The following CAMK4 variants were observed in gnomAD, a reference collection of about 807,000 sequenced individuals.
CAMK4 encodes calcium/calmodulin dependent protein kinase IV, also known as calcium/calmodulin-dependent protein kinase type IV.
In CAMK4, 22 loss-of-function variants were observed where a neutral mutation model predicts 44.9. The ratio of observed to expected loss-of-function variants is 0.49; its 90% CI spans 0.35 to 0.70. The LOEUF (loss-of-function observed/expected upper bound fraction) is 0.70. Among genes scored for constraint, CAMK4 ranks in the 30% least tolerant of loss-of-function variants. The pLI, the probability that CAMK4 is intolerant of heterozygous loss-of-function variation, is 0.01. For synonymous variants in CAMK4, 218 were observed against 215.4 expected, an observed-to-expected ratio of 1.01 and a Z score of -0.11; for missense variants, 498 against 586.8, an observed-to-expected ratio of 0.85 and a Z score of 1.56.
At chr5:111,442,930 G>A (rs1753879071) in intron 5 of CAMK4, among the ~76,000 whole-genome samples, 1 of 149,946 alleles carries the variant, frequency 6.7e-6, no homozygotes, top group Non-Finnish European at 1.5e-5. Flanking sequence ...AATACAGTAA[G>A]TCTTGCTTGA....
intron 7 of CAMK4, among the ~76,000 whole-genome samples, chr5:111,452,747 C>T (rs1246921377): frequency 2.0e-5 from 3 of 152,046 alleles, no homozygotes; most frequent in African/African-American, 4.8e-5. Flanking sequence ...TGCAAATATC[C>T]GTTTCAGCCT....
At chr5:111,266,277 C>T (rs914444685) in intron 1 of CAMK4, 2 of 151,326 alleles carry the variant, frequency 1.3e-5, no homozygotes, top group African/African-American at 4.9e-5. Context: ...CCCATGAGAA[C>T]ATTTCCCTTA....
intron 1 of CAMK4, among the ~76,000 whole-genome samples, chr5:111,246,565 T>C (rs2112530431): frequency 6.6e-6 from 1 of 152,346 alleles, no homozygotes; most frequent in East Asian, 1.9e-4. Flanking sequence ...GTGTTGGTTT[T>C]GTTTTCATAC....
chr5:111,430,031 C>T (rs1375348215), intron 5 of CAMK4, among the ~76,000 whole-genome samples: 1 of 151,748 alleles, frequency 6.6e-6, no homozygotes, highest in Admixed American at 6.6e-5. Context: ...AAACTACAGG[C>T]CAGTATCTGT....
chr5:111,373,610 T>A (rs913391732), intron 2 of CAMK4, among the ~76,000 whole-genome samples: 3 of 152,142 alleles, frequency 2.0e-5, no homozygotes, highest in African/African-American at 7.2e-5. Flanking sequence ...ACCATTGATA[T>A]GCGCTTGGAT....
At chr5:111,481,141 G>A (rs1039060683) in intron 9 of CAMK4, among the ~76,000 whole-genome samples, 2 of 151,948 alleles carry the variant, frequency 1.3e-5, no homozygotes, top group African/African-American at 4.8e-5. Context: ...GATTAACAAT[G>A]GTGTATATAA....
At chr5:111,452,953 G>A (rs977681703) in intron 7 of CAMK4, among the ~76,000 whole-genome samples, 8 of 151,854 alleles carry the variant, frequency 5.3e-5, no homozygotes, top group African/African-American at 1.9e-4. Flanking sequence ...GATTGAGATG[G>A]AAAATAAAAG....
intron 1 of CAMK4, among the ~76,000 whole-genome samples, chr5:111,283,234 C>G (rs1180599588): frequency 1.3e-5 from 2 of 152,126 alleles, no homozygotes; most frequent in Admixed American, 1.3e-4. Flanking sequence ...AAACCATTAC[C>G]AGTTAAACTG....
rs76573004 is a variant in CAMK4, at chr5:111,273,320, C to G, written c.161+48676C>G. Among the ~76,000 whole-genome samples, 530 of 151,988 alleles carry G rather than the reference C, an allele frequency of 3.5e-3. 5 individuals carry two copies. The highest frequency in any genetic ancestry group is 0.012 in the African/African-American group (491 of 41,452). On this transcript the variant is annotated intron_variant, in intron 1 of 10. Coordinates refer to ENST00000282356, the MANE Select transcript of CAMK4 (RefSeq NM_001744.6). ...ATAAATATATATAAGCACATACACACACATTCACAAAGACAGATACAGTTG... is the reference window on the plus strand; with the variant it reads ...ATAAATATATATAAGCACATACACAGACATTCACAAAGACAGATACAGTTG...
At chr5:111,343,506 C>CTTACCATCTGCTTCACAGA (rs1453278484) in intron 1 of CAMK4, among the ~76,000 whole-genome samples, 1 of 151,766 alleles carries the variant, frequency 6.6e-6, no homozygotes, top group African/African-American at 2.4e-5. Context: ...TGAATGCCTT[C>CTTACCATCTGCTTCACAGA]TTACCATCTG....
At chr5:111,385,059 A>G (rs1219444095) in intron 4 of CAMK4, among the ~76,000 whole-genome samples, 1 of 152,204 alleles carries the variant, frequency 6.6e-6, no homozygotes, top group Non-Finnish European at 1.5e-5. Context: ...ATATTTTTTA[A>G]GCATCACCTT....
chr5:111,395,230 A>AAAAAAAAAAAAAAAAG (rs1561460468), intron 5 of CAMK4, among the ~76,000 whole-genome samples: 73 of 106,406 alleles, frequency 6.9e-4, no homozygotes, highest in African/African-American at 1.0e-3. Context: ...AAAAAAAAGA[A>AAAAAAAAAAAAAAAAG]AAAAAAAAAG....
At chr5:111,328,806 T>A (rs932357374) in intron 1 of CAMK4, among the ~76,000 whole-genome samples, 1 of 152,044 alleles carries the variant, frequency 6.6e-6, no homozygotes, top group Admixed American at 6.6e-5. Context: ...GATTTGGCTC[T>A]CTGTTTGTCT....
chr5:111,415,878 C>T (rs1029812212), intron 5 of CAMK4, among the ~76,000 whole-genome samples: 2 of 152,140 alleles, frequency 1.3e-5, no homozygotes, highest in Non-Finnish European at 1.5e-5. Context: ...CAACTATTTA[C>T]ATAGCATTTA....
rs373842366 is a variant in CAMK4, at chr5:111,473,298, A to T, written c.626-13A>T. ...TAAGCTCTAATTTAACACAATTTTC[A>T]CTTTTTCTGCAGCACCTGAAATTCT... On this transcript the variant is annotated splice_polypyrimidine_tract_variant and intron_variant, in intron 7 of 10. Transcript: ENST00000282356. 168 of 1,585,746 alleles carry T rather than the reference A, an allele frequency of 1.1e-4. 1 individual carries two copies. The East Asian group carries it at 2.5e-3, about 24-fold the overall frequency.
chr5:111,479,481 C>T (rs1409051534), intron 9 of CAMK4, among the ~76,000 whole-genome samples: 5 of 152,094 alleles, frequency 3.3e-5, no homozygotes, highest in Non-Finnish European at 7.4e-5. Context: ...ACCACACAGA[C>T]ATAATCAAAA....
At chr5:111,393,870 T>C (rs977653640) in intron 4 of CAMK4, among the ~76,000 whole-genome samples, 1 of 127,106 alleles carries the variant, frequency 7.9e-6, no homozygotes, top group Non-Finnish European at 1.6e-5. Flanking sequence ...TTAAAAGTTT[T>C]GTGTTTTTTT....
In CAMK4 at chr5:111,491,707, A is replaced by G. The variant is rs1479609823; in HGVS notation, c.*7241A>G. ...TAGAAATTTGATCCTTACATTTAAA[A>G]TTATGTAAATGACATCTTTCACTGG... On this transcript the variant is annotated 3_prime_UTR_variant, in exon 11 of 11. Coordinates refer to ENST00000282356, the MANE Select transcript of CAMK4 (RefSeq NM_001744.6). The G allele has an allele frequency of 1.3e-5, 2 of 152,190 alleles. No individual in the cohort carries two copies. Among genetic ancestry groups the G allele is most frequent in the Non-Finnish European group, 2.9e-5 (2 of 68,036 alleles). 9.4% of individuals were successfully genotyped at this position (152,190 alleles called of 1,614,324 possible).
chr5:111,404,484 A>G (rs1752343964), intron 5 of CAMK4, among the ~76,000 whole-genome samples: 1 of 152,232 alleles, frequency 6.6e-6, no homozygotes, highest in Non-Finnish European at 1.5e-5. Flanking sequence ...CTCAAGGTCA[A>G]TGCTTGTTTA....
Sources: gnomAD v4.1 joint callset for allele counts (sites outside exome capture counted in the v4.1 genomes callset) on GRCh38, gnomAD v4.1.1 for gene constraint, MANE v1.5 for transcripts, NCBI Gene and HGNC (gene_info 2026-07-23, HGNC 2026-07-21) for gene names.